Variants in LRRIQ3 observed in about 807,000 individuals in gnomAD.
LRRIQ3 encodes the protein leucine-rich repeat and IQ domain-containing protein 3.
LRRIQ3 carries 75 observed loss-of-function variants against 59.3 expected under a neutral mutation model. That is an observed-to-expected ratio of 1.26 (90% CI 1.05 to 1.53). The LOEUF (loss-of-function observed/expected upper bound fraction) is 1.53, where lower values mean the gene tolerates loss of function less well. Ranked by LOEUF, LRRIQ3 falls within the 40% of genes most tolerant of loss-of-function variation. LRRIQ3 has a pLI of 0.00. For synonymous variants in LRRIQ3, 250 were observed against 231.3 expected (o/e 1.08, Z -0.73); for missense variants, 831 against 710.0 (o/e 1.17, Z -1.94).
At chr1:74,056,252 C>T (rs1654533416) in intron 6 of LRRIQ3, among the ~76,000 whole-genome samples, 1 of 151,620 alleles carries the variant, frequency 6.6e-6, no homozygotes, top group South Asian at 2.1e-4. Context: ...ATGACAAAAC[C>T]ATAGCTCATA....
At chr1:74,191,020 CTG>C (rs1207505578) in intron 1 of LRRIQ3, among the ~76,000 whole-genome samples, 2 of 152,174 alleles carry the variant, frequency 1.3e-5, no homozygotes, top group African/African-American at 4.8e-5. Context: ...CCACATGGAA[CTG>C]TGAGTCCACT....
chr1:74,139,867 A>T (rs1647199404), intron 4 of LRRIQ3, among the ~76,000 whole-genome samples: 1 of 151,966 alleles, frequency 6.6e-6, no homozygotes, highest in African/African-American at 2.4e-5. Flanking sequence ...TTAAATGAAG[A>T]TATATTAAAG....
chr1:74,069,618 T>C (rs944797863), intron 6 of LRRIQ3, among the ~76,000 whole-genome samples: 5 of 151,992 alleles, frequency 3.3e-5, no homozygotes, highest in Non-Finnish European at 7.4e-5. Flanking sequence ...GGATAATATT[T>C]ATAGCAAAAT....
chr1:74,037,977 G>A lies in LRRIQ3; in HGVS notation c.1718+3236C>T, dbSNP rs557848205. On this transcript the variant is annotated intron_variant, in intron 7 of 7. Transcript: ENST00000354431. Reference sequence around the variant, plus strand: ...AGGGGCAACCAGCACCACAGCTGCCGCTGCCTAATGTCTAAGCTGCCTGAG... The same window carrying A: ...AGGGGCAACCAGCACCACAGCTGCCACTGCCTAATGTCTAAGCTGCCTGAG... Among the ~76,000 whole-genome samples, 65 of 152,302 alleles carry A rather than the reference G, an allele frequency of 4.3e-4. No individual in the cohort carries two copies. In the South Asian group the frequency reaches 0.012, roughly 28 times the overall value.
intron 5 of LRRIQ3, among the ~76,000 whole-genome samples, chr1:74,098,414 G>C (rs1015911921): frequency 2.7e-4 from 41 of 152,090 alleles, no homozygotes; most frequent in Admixed American, 2.5e-3. Context: ...CAAGTCTTTA[G>C]AGACCTACAG....
At chr1:74,135,002 G>T (rs1168358391) in intron 4 of LRRIQ3, among the ~76,000 whole-genome samples, 1 of 151,860 alleles carries the variant, frequency 6.6e-6, no homozygotes, top group Non-Finnish European at 1.5e-5. Flanking sequence ...ACTACAATCT[G>T]TCTACAAAAG....
chr1:74,151,601 G>A (rs923975234), intron 4 of LRRIQ3, among the ~76,000 whole-genome samples: 1 of 151,884 alleles, frequency 6.6e-6, no homozygotes, highest in Non-Finnish European at 1.5e-5. Flanking sequence ...CGGGGTGGGG[G>A]GGATGGGCAT....
At chr1:74,197,552 G>A (rs1310031583) in intron 1 of LRRIQ3, among the ~76,000 whole-genome samples, 1 of 152,102 alleles carries the variant, frequency 6.6e-6, no homozygotes, top group African/African-American at 2.4e-5. Flanking sequence ...AGATTAATCT[G>A]CATATACAAA....
At chr1:74,125,749 T>G (rs2100597116) in intron 4 of LRRIQ3, among the ~76,000 whole-genome samples, 1 of 152,138 alleles carries the variant, frequency 6.6e-6, no homozygotes, top group East Asian at 1.9e-4. Flanking sequence ...TTGATTTTGG[T>G]TTGCTGTTAT....
At chr1:74,164,177 G>A (rs181091957) in intron 3 of LRRIQ3, among the ~76,000 whole-genome samples, 11 of 151,202 alleles carry the variant, frequency 7.3e-5, no homozygotes, top group African/African-American at 2.7e-4. Flanking sequence ...CTATATACTA[G>A]TCTTTTTTCA....
chr1:74,060,153 G>A (rs6670220), intron 6 of LRRIQ3, among the ~76,000 whole-genome samples: 17,956 of 151,350 alleles, frequency 0.12, 1,342 homozygotes, highest in African/African-American at 0.21. Flanking sequence ...AACCTGAGTC[G>A]CCTTCTTCTT....
chr1:74,088,317 A>G (rs141201950), intron 5 of LRRIQ3, among the ~76,000 whole-genome samples: 2,346 of 152,244 alleles, frequency 0.015, 43 homozygotes, highest in South Asian at 0.024. Flanking sequence ...TATTATAATG[A>G]CATAAAATGC....
chr1:74,092,292 C>T (rs1341963137), intron 5 of LRRIQ3, among the ~76,000 whole-genome samples: 2 of 152,012 alleles, frequency 1.3e-5, no homozygotes, highest in Non-Finnish European at 2.9e-5. Context: ...TGGAGTTTTA[C>T]CTGAGAGGTG....
intron 6 of LRRIQ3, among the ~76,000 whole-genome samples, chr1:74,063,151 C>CA (rs201544968): frequency 6.6e-6 from 1 of 150,730 alleles, no homozygotes; most frequent in Non-Finnish European, 1.5e-5. Context: ...ACAACAACAA[C>CA]AAAACGAGGA....
At chr1:74,057,624 C>T (rs11210402) in intron 6 of LRRIQ3, among the ~76,000 whole-genome samples, 19,664 of 152,032 alleles carry the variant, frequency 0.13, 1,714 homozygotes, top group African/African-American at 0.25. Context: ...ATATGTAAGA[C>T]TTGAAACTTT....
chr1:74,169,158 G>A (rs1649170375), intron 3 of LRRIQ3, among the ~76,000 whole-genome samples: 1 of 152,018 alleles, frequency 6.6e-6, no homozygotes, highest in South Asian at 2.1e-4. Flanking sequence ...CTTCACATAG[G>A]AGAAATCATC....
chr1:74,171,174 G>A (rs776944753), intron 3 of LRRIQ3, among the ~76,000 whole-genome samples: 1 of 151,904 alleles, frequency 6.6e-6, no homozygotes, highest in African/African-American at 2.4e-5. Flanking sequence ...GCTTTGGCTT[G>A]GACTTCCAAT....
At chr1:74,104,175 C>T (rs1367382760) in intron 5 of LRRIQ3, among the ~76,000 whole-genome samples, 1 of 152,012 alleles carries the variant, frequency 6.6e-6, no homozygotes, top group Non-Finnish European at 1.5e-5. Flanking sequence ...GTACCACTAC[C>T]AACCTATTAG....
chr1:74,081,355 T>C (rs1445840824), intron 5 of LRRIQ3, among the ~76,000 whole-genome samples: 1 of 151,612 alleles, frequency 6.6e-6, no homozygotes, highest in Non-Finnish European at 1.5e-5. Context: ...TTATGTTCCC[T>C]CAGTTCAAGA....
Sources: allele counts gnomAD v4.1 joint callset (sites outside exome capture counted in the v4.1 genomes callset), GRCh38; gene constraint gnomAD v4.1.1; transcripts MANE v1.5; gene names NCBI Gene and HGNC (gene_info 2026-07-23, HGNC 2026-07-21).